Variants in PPFIBP1 observed in about 807,000 individuals in gnomAD.
The protein encoded by PPFIBP1 is liprin-beta-1.
Under a neutral mutation model 137.8 loss-of-function variants are expected in PPFIBP1, and 112 were observed. The observed-to-expected ratio is 0.81, with a 90% CI of 0.70 to 0.95. The LOEUF (loss-of-function observed/expected upper bound fraction) is 0.95. Ranked by LOEUF, PPFIBP1 falls within the 40% of genes least tolerant of loss-of-function variation. The probability of loss-of-function intolerance (pLI) is 0.00; values close to 1 mark genes in which losing one functional copy is unlikely to be tolerated. For synonymous variants in PPFIBP1, 378 were observed against 417.3 expected, an observed-to-expected ratio of 0.91 and a Z score of 1.15; for missense variants, 1,083 against 1,196.6, an observed-to-expected ratio of 0.91 and a Z score of 1.40.
chr12:27,595,251 A>C (rs911142983), intron 2 of PPFIBP1, among the ~76,000 whole-genome samples: 2 of 152,016 alleles, frequency 1.3e-5, no homozygotes, highest in South Asian at 2.1e-4. Flanking sequence ...CGCGCGCACA[A>C]ACACACACAC....
At position 27,646,098 on chromosome 12, in the gene PPFIBP1, C is replaced by G; in HGVS notation, c.307C>G (p.Gln103Glu). ...GHLPGNGDVYQERLARLENDK... is the reference protein window; with the variant it reads ...GHLPGNGDVYEERLARLENDK... ...CCTACCAGGGAACGGAGATGTGTAT[C>G]AAGAAAGGCTGGCACGTTTAGAAAA... is the stretch of plus-strand genomic sequence containing the variant. The change falls in exon 5 of 30, where the codon CAA (glutamine) becomes GAA (glutamate). Residue 103 changes from glutamine to glutamate, a missense_variant. Gln to Glu is a conservative substitution (Grantham distance 29, BLOSUM62 2). Transcript: ENST00000228425. 6.2e-7 allele frequency: 1 copy of G among 1,612,050 alleles called. No individual in the cohort carries two copies. The highest frequency in any genetic ancestry group is 8.5e-7 in the Non-Finnish European group (1 of 1,178,622).
intron 1 of PPFIBP1, among the ~76,000 whole-genome samples, chr12:27,569,077 G>T (rs1249690063): frequency 2.0e-5 from 3 of 152,112 alleles, no homozygotes; most frequent in Non-Finnish European, 4.4e-5. Context: ...CTCACTGCTA[G>T]TTCATGGCCC....
intron 2 of PPFIBP1, among the ~76,000 whole-genome samples, chr12:27,616,195 G>A (rs996543923): frequency 1.3e-5 from 2 of 151,686 alleles, no homozygotes; most frequent in African/African-American, 4.8e-5. Flanking sequence ...GGGCATGAGA[G>A]ATATTTTTCT....
rs958725287 is a variant in PPFIBP1, at chr12:27,694,652, T to G, written c.*1770T>G. 6.6e-6 allele frequency: 1 copy of G among 152,258 alleles called. No individual in the cohort carries two copies. The highest frequency in any genetic ancestry group is 1.5e-5 in the Non-Finnish European group (1 of 68,042). 9.4% of individuals were successfully genotyped at this position (152,258 alleles called of 1,614,324 possible). A position where few individuals can be genotyped will look rare whatever the true frequency, so the allele number is the denominator to read the frequency against. On this transcript the variant is annotated 3_prime_UTR_variant, in exon 30 of 30. Coordinates refer to ENST00000228425, the MANE Select transcript of PPFIBP1 (RefSeq NM_003622.4). ...TTTTCTGTAGCACTGGGCCCAAATA[T>G]TCTTTGTAAAGAAAATCGCTGCAGC...
intron 2 of PPFIBP1, among the ~76,000 whole-genome samples, chr12:27,595,661 C>CCTGA (rs2053129981): frequency 6.6e-6 from 1 of 151,960 alleles, no homozygotes; most frequent in African/African-American, 2.4e-5. Flanking sequence ...TTGAGACCAG[C>CCTGA]CTGACCAACA....
At chr12:27,683,273 C>G (rs1305429096) in intron 24 of PPFIBP1, among the ~76,000 whole-genome samples, 2 of 152,164 alleles carry the variant, frequency 1.3e-5, no homozygotes, top group African/African-American at 4.8e-5. Context: ...GCCATGTTGG[C>G]CAGCTGGTCT....
chr12:27,527,891 G>C (rs1943957576), intron 1 of PPFIBP1, among the ~76,000 whole-genome samples: 1 of 152,076 alleles, frequency 6.6e-6, no homozygotes, highest in African/African-American at 2.4e-5. Flanking sequence ...TTAAATATGC[G>C]AGTCAAAGCT....
At chr12:27,664,082 G>A (rs1317542497) in intron 11 of PPFIBP1, among the ~76,000 whole-genome samples, 1 of 152,016 alleles carries the variant, frequency 6.6e-6, no homozygotes, top group African/African-American at 2.4e-5. Flanking sequence ...TTTAAAGATG[G>A]CAGCTAAAGG....
At chr12:27,570,062 G>A (rs995056254) in intron 1 of PPFIBP1, among the ~76,000 whole-genome samples, 1 of 152,118 alleles carries the variant, frequency 6.6e-6, no homozygotes, top group African/African-American at 2.4e-5. Flanking sequence ...CCACCGGTGA[G>A]AGTTAGGATT....
At chr12:27,609,090 G>A (rs1309495957) in intron 2 of PPFIBP1, 2 of 155,108 alleles carry the variant, frequency 1.3e-5, no homozygotes, top group Admixed American at 1.3e-4. Context: ...GCAGGCTGTG[G>A]TGCACCGAGA....
At chr12:27,651,254 A>G (rs182579638) in intron 7 of PPFIBP1, among the ~76,000 whole-genome samples, 56 of 151,144 alleles carry the variant, frequency 3.7e-4, no homozygotes, top group African/African-American at 1.2e-3. Flanking sequence ...GAAGTCTTTC[A>G]TTTGGTTCAT....
intron 8 of PPFIBP1, chr12:27,655,074 G>A: frequency 8.1e-7 from 1 of 1,228,254 alleles, no homozygotes; most frequent in East Asian, 2.5e-5. Context: ...AACTGATACT[G>A]TTTTCTCGGT....
intron 1 of PPFIBP1, among the ~76,000 whole-genome samples, chr12:27,536,637 A>C (rs1326078023): frequency 6.6e-6 from 1 of 152,208 alleles, no homozygotes; most frequent in Non-Finnish European, 1.5e-5. Context: ...AACAGTGGGA[A>C]TCTCATTTCA....
intron 1 of PPFIBP1, among the ~76,000 whole-genome samples, chr12:27,560,716 G>A (rs1295083780): frequency 6.6e-6 from 1 of 152,166 alleles, no homozygotes; most frequent in African/African-American, 2.4e-5. Flanking sequence ...GAGGGCTTGG[G>A]TAATTTGAAA....
rs748483186 is a variant in PPFIBP1, at chr12:27,676,527, G to T, written c.1510G>T (p.Val504Phe). The T allele has an allele frequency of 2.5e-6, 4 of 1,610,084 alleles. No homozygotes were observed. In the Admixed American group the frequency reaches 5.0e-5, roughly 20 times the overall value. Residue 504 changes from valine (V) to phenylalanine (F), a missense_variant, in exon 18 of 30, where the codon GTC becomes TTC. Coordinates refer to ENST00000228425, the MANE Select transcript of PPFIBP1 (RefSeq NM_003622.4). Reference protein sequence around the residue: ...MDDNPFGTRKVRSSFGRGFFK... With the variant: ...MDDNPFGTRKFRSSFGRGFFK... ...TGACAACCCCTTCGGCACTCGAAAA[G>T]TCAGATCTTCCTTTGGCCGGGGCTT...
In PPFIBP1 at chr12:27,695,512, C is replaced by T; in HGVS notation, c.*2630C>T. ...ACGTATTTTATTTACAAATATCATA[C>T]ACTGCTGGTGTTACCATATGAAAGG... is the stretch of plus-strand genomic sequence containing the variant. On this transcript the variant is annotated 3_prime_UTR_variant, in exon 30 of 30. Transcript: ENST00000228425. 6.6e-6 allele frequency: 1 copy of T among 152,306 alleles called. No individual in the cohort carries two copies. Among genetic ancestry groups the T allele is most frequent in the Middle Eastern group, 3.4e-3 (1 of 294 alleles). 9.4% of individuals were successfully genotyped at this position (152,306 alleles called of 1,614,324 possible). A position where few individuals can be genotyped will look rare whatever the true frequency, so the allele number is the denominator to read the frequency against.
intron 4 of PPFIBP1, chr12:27,635,460 T>G (rs2057589485): frequency 2.4e-6 from 1 of 419,428 alleles, no homozygotes; most frequent in East Asian, 3.9e-5. Context: ...TATTGGGTTA[T>G]TCACCATAAA....
chr12:27,677,419 G>T (rs892961858), intron 19 of PPFIBP1: 6 of 381,644 alleles, frequency 1.6e-5, no homozygotes, highest in Non-Finnish European at 2.9e-5. Context: ...GCCTTGAAGT[G>T]CATATTACCA....
At chr12:27,631,882 C>A (rs1190047588) in intron 2 of PPFIBP1, among the ~76,000 whole-genome samples, 2 of 152,086 alleles carry the variant, frequency 1.3e-5, no homozygotes, top group African/African-American at 4.8e-5. Context: ...TATAGCTGAG[C>A]CTGGTATGTG....
Sources: gnomAD v4.1 joint callset for allele counts (sites outside exome capture counted in the v4.1 genomes callset) on GRCh38, gnomAD v4.1.1 for gene constraint, MANE v1.5 for transcripts, NCBI Gene and HGNC (gene_info 2026-07-23, HGNC 2026-07-21) for gene names.